The following TANGO6 variants were observed in gnomAD, a reference collection of about 807,000 sequenced individuals.
TANGO6 encodes the protein transport and Golgi organization protein 6 homolog.
In TANGO6, 90 loss-of-function variants were observed where a neutral mutation model predicts 114.2. The ratio of observed to expected loss-of-function variants is 0.79; its 90% confidence interval spans 0.66 to 0.94. The LOEUF is 0.94. TANGO6 is among the 40% of genes least tolerant of loss of function. TANGO6 has a pLI of 0.00. For synonymous variants in TANGO6, 477 were observed against 509.8 expected, an observed-to-expected ratio of 0.94 and a Z score of 0.87; for missense variants, 1,274 against 1,315.3, an observed-to-expected ratio of 0.97 and a Z score of 0.49.
intron 17 of TANGO6, among the ~76,000 whole-genome samples, chr16:69,041,635 A>G (rs545650090): frequency 1.0e-3 from 152 of 152,210 alleles, no homozygotes; most frequent in African/African-American, 3.5e-3. Context: ...GCACCTCACT[A>G]GCGAGGCCAT....
chr16:68,941,088 T>C (rs990415238), intron 14 of TANGO6, among the ~76,000 whole-genome samples: 4 of 152,242 alleles, frequency 2.6e-5, no homozygotes, highest in African/African-American at 4.8e-5. Context: ...CTTGGTAATA[T>C]AACTAACATT....
intron 5 of TANGO6, among the ~76,000 whole-genome samples, chr16:68,876,766 A>G (rs992743021): frequency 6.6e-6 from 1 of 152,162 alleles, no homozygotes; most frequent in African/African-American, 2.4e-5. Flanking sequence ...CGTTGCAGTG[A>G]GCTGAGTTTG....
Position 68,970,667 on chromosome 16 carries a change from CAAA to C in TANGO6, c.2702-3345_2702-3343del, listed in dbSNP as rs11291012. Among the ~76,000 whole-genome samples, 35 of 110,582 alleles carry C rather than the reference CAAA, an allele frequency of 3.2e-4. 1 individual carries two copies. Among genetic ancestry groups the C allele is most frequent in the African/African-American group, 6.3e-4 (18 of 28,492 alleles). The allele number at this position is 110,582 out of a possible 152,430, so 72.5% of individuals were successfully genotyped here. A position where few individuals can be genotyped will look rare whatever the true frequency, so the allele number is the denominator to read the frequency against. ...GGGCAACAAGAACAAAACTTCGTCT[CAAA>C]AAAAAAAAAAAAAAAGACTATGTTA... On this transcript the variant is annotated intron_variant, in intron 14 of 17. Transcript: ENST00000261778.
At chr16:68,903,878 C>T (rs1342101763) in intron 9 of TANGO6, among the ~76,000 whole-genome samples, 2 of 151,012 alleles carry the variant, frequency 1.3e-5, no homozygotes, top group Non-Finnish European at 2.9e-5. Flanking sequence ...GCCAAGATTG[C>T]GCCACTGCAC....
At chr16:68,890,796 C>T (rs1187144203) in intron 7 of TANGO6, among the ~76,000 whole-genome samples, 2 of 151,910 alleles carry the variant, frequency 1.3e-5, no homozygotes, top group African/African-American at 2.4e-5. Context: ...CAAGGCAGTT[C>T]GATCACCTGA....
At chr16:68,970,415 C>T (rs904013763) in intron 14 of TANGO6, among the ~76,000 whole-genome samples, 7 of 152,114 alleles carry the variant, frequency 4.6e-5, no homozygotes, top group African/African-American at 1.4e-4. Flanking sequence ...TGCCTTTAAT[C>T]CCAGCACTTT....
intron 14 of TANGO6, among the ~76,000 whole-genome samples, chr16:68,957,168 T>A (rs1963538891): frequency 6.6e-6 from 1 of 152,104 alleles, no homozygotes; most frequent in Non-Finnish European, 1.5e-5. Flanking sequence ...CATGCATGCA[T>A]GCATGTATAG....
At chr16:69,053,100 T>A (rs142832961) in intron 17 of TANGO6, among the ~76,000 whole-genome samples, 139 of 152,170 alleles carry the variant, frequency 9.1e-4, no homozygotes, top group Non-Finnish European at 1.7e-3. Flanking sequence ...CGAAACTCGG[T>A]CTCAAAAAAT....
intron 1 of TANGO6, among the ~76,000 whole-genome samples, chr16:68,844,526 A>T (rs1961773714): frequency 6.6e-6 from 1 of 152,144 alleles, no homozygotes; most frequent in Admixed American, 6.6e-5. Flanking sequence ...AGGGATGGGA[A>T]GGGATCTGTA....
Position 68,892,117 on chromosome 16 carries a change from C to G in TANGO6, c.1378-8317C>G, listed in dbSNP as rs1050398476. ...TCAGGTATTTACTGAAAGCCAGACA[C>G]TTTGCCAGGTTCACAAATACAGAAA... On this transcript the variant is annotated intron_variant, in intron 7 of 17. Transcript: ENST00000261778. Among the ~76,000 whole-genome samples the G allele has an allele frequency of 7.9e-5, 12 of 152,350 alleles. No homozygotes were observed. The East Asian group carries it at 2.3e-3, about 29-fold the overall frequency.
chr16:68,948,217 A>G (rs2152204397), intron 14 of TANGO6: 1 of 152,346 alleles, frequency 6.6e-6, no homozygotes, highest in South Asian at 2.1e-4. Context: ...ACATGTAAGT[A>G]AAAGATGAAC....
intron 16 of TANGO6, among the ~76,000 whole-genome samples, chr16:69,030,306 A>T (rs1204574060): frequency 6.6e-6 from 1 of 151,952 alleles, no homozygotes; most frequent in Non-Finnish European, 1.5e-5. Context: ...GTCCACTAGG[A>T]TGGGTGCTAT....
At chr16:69,080,774 C>G (rs529943419) in intron 17 of TANGO6, among the ~76,000 whole-genome samples, 1 of 152,244 alleles carries the variant, frequency 6.6e-6, no homozygotes, top group South Asian at 2.1e-4. Flanking sequence ...AAACCTGGCT[C>G]CATCATTTTT....
intron 14 of TANGO6, among the ~76,000 whole-genome samples, chr16:68,965,522 C>T (rs1963636782): frequency 6.6e-6 from 1 of 152,144 alleles, no homozygotes; most frequent in South Asian, 2.1e-4. Flanking sequence ...TAAAAACCTG[C>T]CAGGCGTGGT....
chr16:68,887,764 A>G (rs1161896836), intron 7 of TANGO6, among the ~76,000 whole-genome samples: 1 of 152,032 alleles, frequency 6.6e-6, no homozygotes, highest in Admixed American at 6.6e-5. Context: ...CTGTAATCCT[A>G]CCTACTTGGG....
At chr16:69,022,300 A>G (rs1328720698) in intron 15 of TANGO6, among the ~76,000 whole-genome samples, 1 of 152,212 alleles carries the variant, frequency 6.6e-6, no homozygotes, top group Non-Finnish European at 1.5e-5. Flanking sequence ...TGAGAATAAA[A>G]TTGAGATTCT....
chr16:68,897,028 C>T (rs973577400), intron 7 of TANGO6, among the ~76,000 whole-genome samples: 1 of 151,936 alleles, frequency 6.6e-6, no homozygotes, highest in African/African-American at 2.4e-5. Flanking sequence ...CTCAGCCTCC[C>T]GAGCAGCCAG....
chr16:69,051,262 T>A (rs1055820327), intron 17 of TANGO6, among the ~76,000 whole-genome samples: 53 of 152,162 alleles, frequency 3.5e-4, no homozygotes, highest in African/African-American at 1.1e-3. Context: ...TACTTTCGGC[T>A]GAGCACGGTG....
intron 5 of TANGO6, among the ~76,000 whole-genome samples, chr16:68,875,603 C>T (rs1962341697): frequency 6.6e-6 from 1 of 152,040 alleles, no homozygotes; most frequent in African/African-American, 2.4e-5. Context: ...CCCGTCTCTA[C>T]TAAAAAAAAT....
Sources: gnomAD v4.1 joint callset for allele counts (sites outside exome capture counted in the v4.1 genomes callset) on GRCh38, gnomAD v4.1.1 for gene constraint, MANE v1.5 for transcripts, NCBI Gene and HGNC (gene_info 2026-07-23, HGNC 2026-07-21) for gene names.